Variants in SPATA17 observed in about 807,000 individuals in gnomAD.
SPATA17 encodes the protein spermatogenesis associated 17.
A neutral mutation model predicts 62.2 loss-of-function variants in SPATA17; 53 were observed. That is an observed-to-expected ratio of 0.85 (90% CI 0.68 to 1.07). The LOEUF is 1.07. SPATA17 is among the 50% of genes least tolerant of loss of function. The probability of loss-of-function intolerance (pLI) is 0.00; values close to 1 mark genes in which losing one functional copy is unlikely to be tolerated. For synonymous variants in SPATA17, 146 were observed against 146.8 expected (o/e 0.99, Z 0.04); for missense variants, 466 against 425.5 (o/e 1.10, Z -0.84).
intron 5 of SPATA17, among the ~76,000 whole-genome samples, chr1:217,722,220 T>A (rs1388054820): frequency 6.6e-6 from 1 of 152,182 alleles, no homozygotes; most frequent in African/African-American, 2.4e-5. Flanking sequence ...TCTACCAGAA[T>A]TTTCCATTCC....
At chr1:217,747,011 A>T (rs1024087457) in intron 6 of SPATA17, among the ~76,000 whole-genome samples, 1 of 152,066 alleles carries the variant, frequency 6.6e-6, no homozygotes. Flanking sequence ...ACTATTTGTT[A>T]TGCACCCCAT....
At chr1:217,802,410 A>G (rs1674336310) in intron 9 of SPATA17, among the ~76,000 whole-genome samples, 1 of 152,222 alleles carries the variant, frequency 6.6e-6, no homozygotes, top group African/African-American at 2.4e-5. Flanking sequence ...GACTGCCACA[A>G]CAAAGTACTA....
chr1:217,827,401 A>T (rs958845093), intron 9 of SPATA17, among the ~76,000 whole-genome samples: 2 of 151,800 alleles, frequency 1.3e-5, no homozygotes, highest in East Asian at 3.9e-4. Flanking sequence ...CCTGCAGAGA[A>T]ATAGGAATGC....
intron 3 of SPATA17, among the ~76,000 whole-genome samples, chr1:217,662,631 G>T (rs1571714293): frequency 6.6e-6 from 1 of 152,208 alleles, no homozygotes; most frequent in East Asian, 1.9e-4. Context: ...TGGGAAAAAT[G>T]ATGACATGTA....
At chr1:217,663,748 T>C (rs778876718) in intron 3 of SPATA17, among the ~76,000 whole-genome samples, 1 of 152,198 alleles carries the variant, frequency 6.6e-6, no homozygotes, top group Admixed American at 6.5e-5. Flanking sequence ...GTCATCTAGA[T>C]AAATTACTCA....
chr1:217,787,482 C>T (rs1413281137), intron 8 of SPATA17, among the ~76,000 whole-genome samples: 1 of 151,912 alleles, frequency 6.6e-6, no homozygotes, highest in African/African-American at 2.4e-5. Context: ...TCTGTATGTC[C>T]CTGGTTCTCT....
Position 217,683,246 on chromosome 1 carries a change from T to A in SPATA17, c.292-12T>A. 1 of 1,560,576 alleles carries A rather than the reference T, an allele frequency of 6.4e-7. No individual in the cohort carries two copies. Among genetic ancestry groups the A allele is most frequent in the Non-Finnish European group, 8.7e-7 (1 of 1,144,324 alleles). On this transcript the variant is annotated splice_polypyrimidine_tract_variant and intron_variant, in intron 4 of 10. Transcript: ENST00000366933. ...TTAATGGCATATTTTATCTCTTTAT[T>A]TACTTTAATAGATTCAGAGACGATG... is the stretch of plus-strand genomic sequence containing the variant.
intron 6 of SPATA17, among the ~76,000 whole-genome samples, chr1:217,752,685 C>A (rs1672944000): frequency 6.6e-6 from 1 of 151,948 alleles, no homozygotes; most frequent in Non-Finnish European, 1.5e-5. Flanking sequence ...AATTGGATTC[C>A]CCATTTATGA....
chr1:217,634,716 A>C (rs1318840886), intron 1 of SPATA17, among the ~76,000 whole-genome samples: 1 of 152,176 alleles, frequency 6.6e-6, no homozygotes, highest in South Asian at 2.1e-4. Flanking sequence ...GCCTATTATC[A>C]TCTTTGTTTT....
In SPATA17 at chr1:217,825,962, G is replaced by A. The variant is rs536267879; in HGVS notation, c.1005+24112G>A. On this transcript the variant is annotated intron_variant, in intron 9 of 10. Transcript: ENST00000366933. Reference sequence around the variant, plus strand: ...AATTTATATTTTATTGTTATTGTGGGAAAGCTCTTATTTATTTTCTAGCTG... The same window carrying A: ...AATTTATATTTTATTGTTATTGTGGAAAAGCTCTTATTTATTTTCTAGCTG... Among the ~76,000 whole-genome samples the A allele has an allele frequency of 3.0e-4, 46 of 152,040 alleles. 1 individual carries two copies. In the East Asian group the frequency reaches 8.9e-3, roughly 29 times the overall value.
chr1:217,850,653 C>G (rs184111194), intron 9 of SPATA17: 179 of 1,564,518 alleles, frequency 1.1e-4, no homozygotes, highest in Non-Finnish European at 1.5e-4. Flanking sequence ...TTAGCAGATA[C>G]GAGGATGCTG....
chr1:217,830,638 C>G (rs543272446), intron 9 of SPATA17, among the ~76,000 whole-genome samples: 3 of 152,228 alleles, frequency 2.0e-5, no homozygotes, highest in Non-Finnish European at 4.4e-5. Context: ...TTTAGTTACA[C>G]ATTCATATTT....
chr1:217,638,065 T>G (rs1405195974), intron 1 of SPATA17, among the ~76,000 whole-genome samples: 2 of 152,100 alleles, frequency 1.3e-5, no homozygotes, highest in African/African-American at 4.8e-5. Flanking sequence ...AACAGAAGGG[T>G]AAAGTATAAA....
chr1:217,665,412 C>A (rs1256332127), intron 3 of SPATA17: 1 of 152,044 alleles, frequency 6.6e-6, no homozygotes, highest in African/African-American at 2.4e-5. Flanking sequence ...CAATACTTTA[C>A]AAAATTAATC....
chr1:217,776,326 G>C (rs1571798571), intron 7 of SPATA17, among the ~76,000 whole-genome samples: 1 of 152,146 alleles, frequency 6.6e-6, no homozygotes, highest in East Asian at 1.9e-4. Context: ...CCTTGTGTTA[G>C]ATTTGGCTCA....
rs34000760 is a variant in SPATA17 at position 217,748,743 on chromosome 1, CAAA to C, written c.519+6663_519+6665del. ...TGGGTGGCAGAGCAAGACTCTGACT[CAAA>C]AAAAAAAAAAAAAAAAACTTTAATT... On this transcript the variant is annotated intron_variant, in intron 6 of 10. Coordinates refer to ENST00000366933, the MANE Select transcript of SPATA17 (RefSeq NM_138796.4). Among the ~76,000 whole-genome samples, 265 of 115,182 alleles carry C rather than the reference CAAA, an allele frequency of 2.3e-3. 1 individual carries two copies. Among genetic ancestry groups the C allele is most frequent in the South Asian group, 2.8e-3 (9 of 3,214 alleles). The allele number at this position is 115,182 out of a possible 152,430, so 75.6% of individuals were successfully genotyped here. A position where few individuals can be genotyped will look rare whatever the true frequency, so the allele number is the denominator to read the frequency against.
intron 9 of SPATA17, among the ~76,000 whole-genome samples, chr1:217,829,530 A>C (rs1312628949): frequency 6.7e-6 from 1 of 148,790 alleles, no homozygotes; most frequent in Non-Finnish European, 1.5e-5. Context: ...TGGGAGGCTG[A>C]GACAGGAAAA....
At chr1:217,836,575 C>T (rs1283059850) in intron 9 of SPATA17, among the ~76,000 whole-genome samples, 2 of 152,136 alleles carry the variant, frequency 1.3e-5, no homozygotes, top group Non-Finnish European at 2.9e-5. Context: ...CTGTACTCTT[C>T]CAAGTGACAA....
intron 6 of SPATA17, among the ~76,000 whole-genome samples, chr1:217,744,587 C>T (rs1224989987): frequency 6.6e-6 from 1 of 151,848 alleles, no homozygotes; most frequent in Non-Finnish European, 1.5e-5. Flanking sequence ...CAAATACAAG[C>T]TGTCAATGCA....
Sources: allele counts gnomAD v4.1 joint callset (sites outside exome capture counted in the v4.1 genomes callset), GRCh38; gene constraint gnomAD v4.1.1; transcripts MANE v1.5; gene names NCBI Gene and HGNC (gene_info 2026-07-23, HGNC 2026-07-21).